The following CCDC178 variants were observed in gnomAD, a reference collection of about 807,000 sequenced individuals.
CCDC178 encodes coiled-coil domain containing 178, also known as coiled-coil domain-containing protein 178.
CCDC178 carries 126 observed loss-of-function variants against 117.4 expected under a neutral mutation model. The ratio of observed to expected loss-of-function variants is 1.07; its 90% CI spans 0.93 to 1.24. The LOEUF (loss-of-function observed/expected upper bound fraction) is 1.24, where lower values mean the gene tolerates loss of function less well. Ranked by LOEUF, CCDC178 falls within the 50% of genes most tolerant of loss-of-function variation. The pLI, the probability that CCDC178 is intolerant of heterozygous loss-of-function variation, is 0.00. For synonymous variants in CCDC178, 283 were observed against 313.4 expected (o/e 0.90, Z 1.02); for missense variants, 1,030 against 986.9 (o/e 1.04, Z -0.59).
At position 33,132,066 on chromosome 18, in the gene CCDC178, C is replaced by T. The variant is rs1363928275; in HGVS notation, c.2239-39156G>A. ...AACTGCTCCTAGTCTCATTTTTTAA[C>T]GACTTTTAACTTCCTGACCTCATCT... On this transcript the variant is annotated intron_variant, in intron 20 of 22. Coordinates refer to ENST00000383096, the MANE Select transcript of CCDC178 (RefSeq NM_001105528.4). Among the ~76,000 whole-genome samples the T allele has an allele frequency of 5.8e-5, 8 of 138,644 alleles. No individual in the cohort carries two copies. The East Asian group carries it at 8.6e-4, about 15-fold the overall frequency. 91.0% of individuals were successfully genotyped at this position (138,644 alleles called of 152,430 possible).
rs536014335 is a variant in CCDC178, at chr18:33,023,326, C to T, written c.2389-48645G>A. 1.5e-4 allele frequency among the ~76,000 whole-genome samples: 23 copies of T among 152,238 alleles called. No individual in the cohort carries two copies. In the South Asian group the frequency reaches 4.8e-3, roughly 32 times the overall value. ...GAACATATACTATGACAGACCATAT[C>T]TTGGACCATAAAACAAATATTAACA... On this transcript the variant is annotated intron_variant, in intron 21 of 22. Coordinates refer to ENST00000383096, the MANE Select transcript of CCDC178 (RefSeq NM_001105528.4).
At chr18:33,196,530 G>A (rs1177249780) in intron 20 of CCDC178, among the ~76,000 whole-genome samples, 1 of 152,152 alleles carries the variant, frequency 6.6e-6, no homozygotes, top group Non-Finnish European at 1.5e-5. Context: ...CAGGGTACTT[G>A]TGGGACCCCT....
At chr18:33,112,542 C>A (rs914661947) in intron 20 of CCDC178, among the ~76,000 whole-genome samples, 1 of 151,798 alleles carries the variant, frequency 6.6e-6, no homozygotes, top group Non-Finnish European at 1.5e-5. Context: ...ATTTATTAGA[C>A]AGCCTGCTGA....
chr18:32,957,115 G>A (rs1647236920), intron 22 of CCDC178, among the ~76,000 whole-genome samples: 1 of 152,166 alleles, frequency 6.6e-6, no homozygotes, highest in Admixed American at 6.6e-5. Context: ...CCAAGACAGG[G>A]AAAGATGCCA....
intron 14 of CCDC178, among the ~76,000 whole-genome samples, chr18:33,254,375 T>C (rs1041281176): frequency 6.6e-6 from 1 of 151,542 alleles, no homozygotes; most frequent in East Asian, 1.9e-4. Flanking sequence ...GCAGTAACTG[T>C]ACATAGTGTG....
At chr18:32,947,137 AAAG>A (rs1455723514) in intron 22 of CCDC178, among the ~76,000 whole-genome samples, 6 of 152,190 alleles carry the variant, frequency 3.9e-5, no homozygotes, top group Admixed American at 2.0e-4. Flanking sequence ...GGGGACTTAC[AAAG>A]AAGATCTTTA....
chr18:33,008,255 C>T (rs1222829773), intron 21 of CCDC178, among the ~76,000 whole-genome samples: 1 of 152,088 alleles, frequency 6.6e-6, no homozygotes, highest in Non-Finnish European at 1.5e-5. Context: ...ACTTTTCCTC[C>T]ACACTCATGG....
intron 4 of CCDC178, among the ~76,000 whole-genome samples, chr18:33,390,682 G>C (rs2063552096): frequency 6.6e-6 from 1 of 151,978 alleles, no homozygotes; most frequent in Non-Finnish European, 1.5e-5. Context: ...TAGTAGGTGA[G>C]GAACTTTCAG....
intron 14 of CCDC178, among the ~76,000 whole-genome samples, chr18:33,264,621 T>C (rs1466012652): frequency 6.6e-6 from 1 of 152,052 alleles, no homozygotes; most frequent in Non-Finnish European, 1.5e-5. Flanking sequence ...TCCCCATAAA[T>C]AGAGCTGCAT....
intron 5 of CCDC178, 82 bp from the exon 6 acceptor site, chr18:33,370,271 G>T: frequency 1.0e-6 from 1 of 974,496 alleles, no homozygotes. Context: ...AAAAAATTCT[G>T]CTTTATTAGT....
chr18:32,968,472 C>T (rs922015363), intron 22 of CCDC178, among the ~76,000 whole-genome samples: 1 of 151,856 alleles, frequency 6.6e-6, no homozygotes, highest in Non-Finnish European at 1.5e-5. Context: ...AATGGGAATG[C>T]GGATATGTCT....
chr18:33,037,152 A>G (rs2056460221), intron 21 of CCDC178, among the ~76,000 whole-genome samples: 1 of 151,978 alleles, frequency 6.6e-6, no homozygotes, highest in Non-Finnish European at 1.5e-5. Context: ...ATAATGATTG[A>G]AATGTGGCTG....
At chr18:33,262,942 G>A (rs897885093) in intron 14 of CCDC178, among the ~76,000 whole-genome samples, 4 of 152,138 alleles carry the variant, frequency 2.6e-5, no homozygotes, top group Non-Finnish European at 5.9e-5. Flanking sequence ...AACTCCAGCT[G>A]TGGGACTTTA....
intron 2 of CCDC178, among the ~76,000 whole-genome samples, chr18:33,422,750 T>G (rs936767033): frequency 5.9e-5 from 9 of 152,110 alleles, no homozygotes; most frequent in East Asian, 5.8e-4. Flanking sequence ...TGGTTGAAAA[T>G]GAAAGGAAGC....
chr18:33,397,194 C>T lies in CCDC178; in HGVS notation c.73G>A (p.Glu25Lys), dbSNP rs201369584. The T allele has an allele frequency of 8.7e-5, 140 of 1,605,994 alleles. No individual in the cohort carries two copies. Among genetic ancestry groups the T allele is most frequent in the Admixed American group, 2.2e-4 (13 of 59,666 alleles). ...DQTNIGLTCQ[E>K]VKALREKAWS... ...GCCTTCTCTCTGAGAGCCTTTACTT[C>T]CTGACATGTTAAACCTATAAAAGGT... is the stretch of plus-strand genomic sequence containing the variant. The change falls in exon 4 of 23, where the codon GAA (glutamate) becomes AAA (lysine). Residue 25 changes from glutamate (E) to lysine (K), a missense_variant. Physicochemically the swap from Glu to Lys is moderately conservative, Grantham distance 56 (BLOSUM62 1). Coordinates refer to ENST00000383096, the MANE Select transcript of CCDC178 (RefSeq NM_001105528.4).
At chr18:33,379,821 A>G (rs1320989286) in intron 5 of CCDC178, among the ~76,000 whole-genome samples, 1 of 152,128 alleles carries the variant, frequency 6.6e-6, no homozygotes, top group African/African-American at 2.4e-5. Flanking sequence ...TGGGTGCTCC[A>G]AATGCCTGGA....
intron 22 of CCDC178, among the ~76,000 whole-genome samples, chr18:32,947,769 A>T (rs1233313153): frequency 1.3e-5 from 2 of 152,138 alleles, no homozygotes; most frequent in East Asian, 3.8e-4. Flanking sequence ...TGTACATAAG[A>T]CATCTTTGCC....
At chr18:33,290,057 C>T (rs2060148059) in intron 12 of CCDC178, among the ~76,000 whole-genome samples, 1 of 152,122 alleles carries the variant, frequency 6.6e-6, no homozygotes, top group African/African-American at 2.4e-5. Flanking sequence ...AGTAATCTAT[C>T]TCCCTGAGAT....
chr18:32,938,284 T>C, intron 22 of CCDC178, 193 bp from the exon 23 acceptor site: 1 of 506,820 alleles, frequency 2.0e-6, no homozygotes, highest in Admixed American at 3.5e-5. Context: ...TCTAGTAAGT[T>C]CTAAAAATTA....
Sources: allele counts gnomAD v4.1 joint callset (sites outside exome capture counted in the v4.1 genomes callset), GRCh38; gene constraint gnomAD v4.1.1; transcripts MANE v1.5; gene names NCBI Gene and HGNC (gene_info 2026-07-23, HGNC 2026-07-21).